The following PLA2G5 variants were observed in gnomAD, a reference collection of about 807,000 sequenced individuals.
PLA2G5 encodes phospholipase A2 group V, also known as Ca2+-dependent phospholipase A2.
Under a neutral mutation model 15.9 loss-of-function variants are expected in PLA2G5, and 12 were observed. The observed-to-expected ratio is 0.76, with a 90% CI of 0.48 to 1.23. The LOEUF (loss-of-function observed/expected upper bound fraction) is 1.23. Ranked by LOEUF, PLA2G5 falls within the 50% of genes most tolerant of loss-of-function variation. The probability of loss-of-function intolerance (pLI) is 0.00; values close to 1 mark genes in which losing one functional copy is unlikely to be tolerated. For synonymous variants in PLA2G5, 71 were observed against 71.4 expected, an observed-to-expected ratio of 0.99 and a Z score of 0.03; for missense variants, 169 against 177.1, an observed-to-expected ratio of 0.95 and a Z score of 0.26.
At chr1:20,029,417 T>G (rs752080590) in intron 1 of PLA2G5, among the ~76,000 whole-genome samples, 2 of 152,170 alleles carry the variant, frequency 1.3e-5, no homozygotes, top group Non-Finnish European at 2.9e-5. Context: ...GCTGATATGC[T>G]CCTCTCAAGG....
chr1:20,054,489 T>C (rs568106630), intron 1 of PLA2G5, among the ~76,000 whole-genome samples: 68 of 152,356 alleles, frequency 4.5e-4, no homozygotes, highest in Admixed American at 1.2e-3. Context: ...TTTTGTACTT[T>C]GCTATTTTCA....
intron 1 of PLA2G5, among the ~76,000 whole-genome samples, chr1:20,071,924 A>G (rs1056058448): frequency 6.6e-6 from 1 of 152,132 alleles, no homozygotes; most frequent in Non-Finnish European, 1.5e-5. Context: ...TCTGGCCAAC[A>G]TGGTGAAGCC....
intron 2 of PLA2G5, 54 bp downstream of exon 2, chr1:20,084,924 G>A: frequency 7.8e-7 from 1 of 1,287,504 alleles, no homozygotes; most frequent in Admixed American, 1.7e-5. Context: ...GGGAGTAACA[G>A]GGTGGTGAAA....
intron 1 of PLA2G5, among the ~76,000 whole-genome samples, chr1:20,055,347 G>A (rs567184136): frequency 1.1e-3 from 164 of 152,290 alleles, no homozygotes; most frequent in Non-Finnish European, 1.4e-3. Flanking sequence ...TTTTAGGGGC[G>A]GAAATAAATC....
intron 1 of PLA2G5, among the ~76,000 whole-genome samples, chr1:20,041,513 C>G (rs2013594197): frequency 6.6e-6 from 1 of 152,162 alleles, no homozygotes; most frequent in African/African-American, 2.4e-5. Flanking sequence ...AGGGGCAAAT[C>G]TCTGAGCTTG....
intron 1 of PLA2G5, among the ~76,000 whole-genome samples, chr1:20,042,381 C>T (rs2100345206): frequency 6.6e-6 from 1 of 152,104 alleles, no homozygotes; most frequent in African/African-American, 2.4e-5. Flanking sequence ...CCGTGGGGGT[C>T]AGGTGTGGTA....
chr1:20,081,288 G>C (rs769586396), intron 1 of PLA2G5, among the ~76,000 whole-genome samples: 4 of 151,754 alleles, frequency 2.6e-5, no homozygotes, highest in Non-Finnish European at 5.9e-5. Flanking sequence ...TCCACTCTTC[G>C]GGGCAGCCAC....
intron 1 of PLA2G5, among the ~76,000 whole-genome samples, chr1:20,080,957 G>A (rs1298825547): frequency 6.6e-6 from 1 of 151,920 alleles, no homozygotes; most frequent in East Asian, 1.9e-4. Flanking sequence ...CAGACAGCAG[G>A]AGGGCTCAGC....
At chr1:20,030,444 G>T (rs957310816) in intron 1 of PLA2G5, among the ~76,000 whole-genome samples, 2 of 151,984 alleles carry the variant, frequency 1.3e-5, no homozygotes, top group African/African-American at 4.8e-5. Context: ...GCCATAAGGC[G>T]GTTTTCTCCT....
intron 1 of PLA2G5, among the ~76,000 whole-genome samples, chr1:20,072,911 C>T (rs983394903): frequency 2.0e-5 from 3 of 152,192 alleles, no homozygotes; most frequent in African/African-American, 4.8e-5. Context: ...GGTGCTTGCA[C>T]GGGTGGATTT....
intron 1 of PLA2G5, among the ~76,000 whole-genome samples, chr1:20,048,773 A>C (rs2014042187): frequency 1.3e-5 from 2 of 152,332 alleles, no homozygotes; most frequent in East Asian, 3.9e-4. Context: ...AATGATGACT[A>C]TGACAGTTTT....
intron 1 of PLA2G5, among the ~76,000 whole-genome samples, chr1:20,078,544 C>G (rs1242093069): frequency 6.6e-6 from 1 of 152,164 alleles, no homozygotes; most frequent in Non-Finnish European, 1.5e-5. Context: ...TCTTCACGAT[C>G]TGTTTCCCAC....
In PLA2G5 at chr1:20,044,201, C is replaced by G. The variant is rs140640535; in HGVS notation, n.277-15431C>G. 8.1e-3 allele frequency among the ~76,000 whole-genome samples: 1,236 copies of G among 152,258 alleles called. 21 individuals are homozygous for G. The highest frequency in any genetic ancestry group is 0.028 in the African/African-American group (1,161 of 41,554). On this transcript the variant is annotated intron_variant and non_coding_transcript_variant, in intron 1 of 6. Transcript: ENST00000460175. The stretch of plus-strand genomic sequence containing the variant: ...CTGTAGGAATGCTTGACCACTGCAG[C>G]TTAGGCATGTGTGGCTTAGGGATTT...
intron 1 of PLA2G5, among the ~76,000 whole-genome samples, chr1:20,041,063 T>C (rs988178659): frequency 4.6e-5 from 7 of 152,214 alleles, no homozygotes; most frequent in African/African-American, 1.7e-4. Context: ...GTGTCATGGG[T>C]GTGTGTCCTC....
intron 1 of PLA2G5, among the ~76,000 whole-genome samples, chr1:20,051,279 G>A (rs1008537779): frequency 1.3e-5 from 2 of 152,116 alleles, no homozygotes; most frequent in African/African-American, 4.8e-5. Flanking sequence ...TTAAATACAA[G>A]TTTCTGATAA....
At chr1:20,043,729 G>C (rs2013742079) in intron 1 of PLA2G5, among the ~76,000 whole-genome samples, 1 of 152,204 alleles carries the variant, frequency 6.6e-6, no homozygotes, top group Admixed American at 6.5e-5. Context: ...GTTGGCACAA[G>C]AGTGGGGGAG....
At chr1:20,036,801 G>A (rs945312136) in intron 1 of PLA2G5, among the ~76,000 whole-genome samples, 1 of 152,122 alleles carries the variant, frequency 6.6e-6, no homozygotes, top group Non-Finnish European at 1.5e-5. Context: ...GAGTAGCTGG[G>A]ATTACAGGCC....
At chr1:20,079,141 G>C (rs1478753846) in intron 1 of PLA2G5, among the ~76,000 whole-genome samples, 1 of 147,806 alleles carries the variant, frequency 6.8e-6, no homozygotes, top group Non-Finnish European at 1.5e-5. Context: ...AAAAATCCAA[G>C]TCTTCTCAAA....
upstream of PLA2G5, among the ~76,000 whole-genome samples, chr1:20,068,363 T>A (rs2015161696): frequency 6.6e-6 from 1 of 151,774 alleles, no homozygotes; most frequent in Non-Finnish European, 1.5e-5. Flanking sequence ...GTTAAACTCA[T>A]GTTACAGAGA....
Sources: gnomAD v4.1 joint callset for allele counts (sites outside exome capture counted in the v4.1 genomes callset) on GRCh38, gnomAD v4.1.1 for gene constraint, MANE v1.5 for transcripts, NCBI Gene and HGNC (gene_info 2026-07-23, HGNC 2026-07-21) for gene names.